The following C12orf42 variants were observed in gnomAD, a reference collection of about 807,000 sequenced individuals.
The protein encoded by C12orf42 is chromosome 12 open reading frame 42.
C12orf42 carries 25 observed loss-of-function variants against 21.6 expected under a neutral mutation model. The ratio of observed to expected loss-of-function variants is 1.16; its 90% CI spans 0.84 to 1.62. C12orf42 has a LOEUF of 1.62. Ranked by LOEUF, C12orf42 falls within the 40% of genes most tolerant of loss-of-function variation. The pLI, the probability that C12orf42 is intolerant of heterozygous loss-of-function variation, is 0.00. For missense variants in C12orf42, 483 were observed against 459.3 expected, an observed-to-expected ratio of 1.05 and a Z score of -0.47; for synonymous variants, 174 against 175.0, an observed-to-expected ratio of 0.99 and a Z score of 0.05.
At chr12:103,066,511 C>T in the C12orf42 span, among the ~76,000 whole-genome samples, 1 of 152,166 alleles carries the variant, frequency 6.6e-6, no homozygotes, top group African/African-American at 2.4e-5. Context: ...TATGCAGGCA[C>T]CATTCAAAAG....
intron 4 of C12orf42, among the ~76,000 whole-genome samples, chr12:103,327,970 C>T (rs1354719241): frequency 6.6e-6 from 1 of 152,196 alleles, no homozygotes; most frequent in South Asian, 2.1e-4. Context: ...CTGAAAATTC[C>T]AGGAAGATCT....
chr12:103,491,226 T>G (rs955631552), intron 1 of C12orf42, among the ~76,000 whole-genome samples: 2 of 152,222 alleles, frequency 1.3e-5, no homozygotes, highest in African/African-American at 4.8e-5. Context: ...GTCATCCACC[T>G]CTCCTTGAGT....
chr12:103,351,317 C>T (rs919364373), intron 4 of C12orf42, among the ~76,000 whole-genome samples: 3 of 152,128 alleles, frequency 2.0e-5, no homozygotes, highest in Admixed American at 6.6e-5. Flanking sequence ...CCAACTGTTT[C>T]TGTACCTCAC....
chr12:103,092,273 G>T, the C12orf42 span, among the ~76,000 whole-genome samples: 1 of 152,132 alleles, frequency 6.6e-6, no homozygotes, highest in Non-Finnish European at 1.5e-5. Context: ...ATGTTCCGGG[G>T]GATATGCTTT....
At chr12:103,064,898 C>G in the C12orf42 span, among the ~76,000 whole-genome samples, 52 of 152,182 alleles carry the variant, frequency 3.4e-4, no homozygotes, top group Non-Finnish European at 6.0e-4. Flanking sequence ...TCAGGTCCAA[C>G]TTACAGTGGG....
At chr12:103,154,180 G>A in the C12orf42 span, among the ~76,000 whole-genome samples, 1 of 152,124 alleles carries the variant, frequency 6.6e-6, no homozygotes, top group Non-Finnish European at 1.5e-5. Context: ...TAGAAGGCAG[G>A]TGATTGGATG....
chr12:103,264,535 G>T (rs541617632), downstream of C12orf42, among the ~76,000 whole-genome samples: 4 of 152,120 alleles, frequency 2.6e-5, no homozygotes, highest in Non-Finnish European at 5.9e-5. Flanking sequence ...ATATTTATTT[G>T]CTAGCTTATT....
chr12:103,353,309 G>C (rs1405038256), intron 4 of C12orf42, among the ~76,000 whole-genome samples: 2 of 151,646 alleles, frequency 1.3e-5, no homozygotes, highest in African/African-American at 4.8e-5. Context: ...AAGAGGGGGT[G>C]GGGGGCAAGT....
At chr12:103,409,944 A>C (rs1164729488) in intron 2 of C12orf42, among the ~76,000 whole-genome samples, 1 of 152,246 alleles carries the variant, frequency 6.6e-6, no homozygotes, top group Non-Finnish European at 1.5e-5. Flanking sequence ...AATGTTATTT[A>C]GAGTCTTGAA....
intron 2 of C12orf42, among the ~76,000 whole-genome samples, chr12:103,402,122 C>A (rs1025861921): frequency 2.0e-5 from 3 of 152,158 alleles, no homozygotes; most frequent in South Asian, 4.1e-4. Context: ...GGCCCATGAA[C>A]ATAAATAAGA....
chr12:103,393,407 T>A lies in C12orf42; in HGVS notation c.147+8200A>T, dbSNP rs139637724. Among the ~76,000 whole-genome samples, 1,027 of 152,238 alleles carry A rather than the reference T, an allele frequency of 6.7e-3. 5 individuals carry two copies. The highest frequency in any genetic ancestry group is 0.011 in the Non-Finnish European group (718 of 68,018). On this transcript the variant is annotated intron_variant, in intron 3 of 5. Coordinates refer to ENST00000548883, the MANE Select transcript of C12orf42 (RefSeq NM_198521.5). Reference sequence around the variant, plus strand: ...CTATCACAAGAACAGTACCAAGCGATGAGGGATCCACGTCCATAACCCAAA... The same window carrying A: ...CTATCACAAGAACAGTACCAAGCGAAGAGGGATCCACGTCCATAACCCAAA...
chr12:103,405,207 T>C (rs1034884546), intron 2 of C12orf42, among the ~76,000 whole-genome samples: 1 of 152,166 alleles, frequency 6.6e-6, no homozygotes, highest in Non-Finnish European at 1.5e-5. Context: ...AAACCATGAC[T>C]GAACTGGTGA....
chr12:103,270,004 G>A (rs2035367145), intron 5 of C12orf42: 1 of 152,096 alleles, frequency 6.6e-6, no homozygotes, highest in African/African-American at 2.4e-5. Context: ...TATATGAATA[G>A]AATGAGTCTC....
At chr12:103,170,215 C>G in the C12orf42 span, among the ~76,000 whole-genome samples, 11 of 152,216 alleles carry the variant, frequency 7.2e-5, no homozygotes, top group African/African-American at 2.6e-4. Context: ...CTTTTCTTCT[C>G]TATGTACAAT....
At chr12:103,475,790 A>G (rs1954003175) in intron 2 of C12orf42, among the ~76,000 whole-genome samples, 1 of 152,240 alleles carries the variant, frequency 6.6e-6, no homozygotes, top group South Asian at 2.1e-4. Flanking sequence ...TATTTCCAAA[A>G]GGCAATCTGA....
At chr12:103,064,195 C>T in the C12orf42 span, among the ~76,000 whole-genome samples, 7 of 152,178 alleles carry the variant, frequency 4.6e-5, no homozygotes, top group African/African-American at 1.4e-4. Flanking sequence ...GAGGGCAGCA[C>T]CTGCATCTTT....
the C12orf42 span, among the ~76,000 whole-genome samples, chr12:103,139,025 G>C: frequency 6.6e-6 from 1 of 152,096 alleles, no homozygotes; most frequent in East Asian, 1.9e-4. Context: ...TACAAGAACA[G>C]TGCCCTTGTC....
intron 4 of C12orf42, chr12:103,368,047 C>T (rs1217663015): frequency 5.5e-6 from 7 of 1,282,292 alleles, no homozygotes; most frequent in Non-Finnish European, 7.1e-6. Flanking sequence ...TTCATTATCT[C>T]TTAGGTAGTA....
chr12:103,168,548 A>T, the C12orf42 span, among the ~76,000 whole-genome samples: 1 of 152,216 alleles, frequency 6.6e-6, no homozygotes, highest in Non-Finnish European at 1.5e-5. Context: ...GCAGTATAGG[A>T]TGAGAGCTAA....
Sources: allele counts gnomAD v4.1 joint callset (sites outside exome capture counted in the v4.1 genomes callset), GRCh38; gene constraint gnomAD v4.1.1; transcripts MANE v1.5; gene names NCBI Gene and HGNC (gene_info 2026-07-23, HGNC 2026-07-21).